CDC42EP3: variants seen among roughly 807,000 people sequenced by gnomAD.
CDC42EP3 encodes CDC42 effector protein (Rho GTPase binding) 3.
A neutral mutation model predicts 15.5 loss-of-function variants in CDC42EP3; 4 were observed. That is an observed-to-expected ratio of 0.26 (90% confidence interval 0.13 to 0.59). The LOEUF (loss-of-function observed/expected upper bound fraction) is 0.59. CDC42EP3 is among the 20% of genes least tolerant of loss of function. The pLI, the probability that CDC42EP3 is intolerant of heterozygous loss-of-function variation, is 0.89. For missense variants in CDC42EP3, 309 were observed against 311.2 expected, an observed-to-expected ratio of 0.99 and a Z score of 0.05; for synonymous variants, 145 against 130.3, an observed-to-expected ratio of 1.11 and a Z score of -0.77.
intron 1 of CDC42EP3, among the ~76,000 whole-genome samples, chr2:37,659,123 T>G (rs1287553869): frequency 6.6e-6 from 1 of 152,190 alleles, no homozygotes; most frequent in African/African-American, 2.4e-5. Flanking sequence ...CACTACTTAT[T>G]TAACTCTTCC....
rs556210844 is a variant in CDC42EP3 at position 37,667,199 on chromosome 2, T to C, written c.-236+4227A>G. 2.0e-4 allele frequency among the ~76,000 whole-genome samples: 30 copies of C among 152,340 alleles called. 1 individual carries two copies. The South Asian group carries it at 6.2e-3, about 32-fold the overall frequency. ...ATCTAGCAGGGCCCAGGGGATATGCTGAACTGTAACAGGGCTTGACTTCTG... is the reference window on the plus strand; with the variant it reads ...ATCTAGCAGGGCCCAGGGGATATGCCGAACTGTAACAGGGCTTGACTTCTG... On this transcript the variant is annotated intron_variant, in intron 1 of 1. Coordinates refer to ENST00000295324, the MANE Select transcript of CDC42EP3 (RefSeq NM_006449.5).
In CDC42EP3 at chr2:37,646,184, A is replaced by T; in HGVS notation, c.404T>A (p.Phe135Tyr). The change falls in exon 2 of 2, where the codon TTC becomes TAC. Residue 135 changes from phenylalanine (F) to tyrosine (Y), a missense_variant. By Grantham distance (22) the Phe-to-Tyr change is conservative. Coordinates refer to ENST00000295324, the MANE Select transcript of CDC42EP3 (RefSeq NM_006449.5). ...AAGCCTGGGCAGCTTTGCTGGCCCG[A>T]AGGACTCCTGTTTGGAATTAAATGT... Reference protein sequence around the residue: ...PVTFNSKQESFGPAKLPRLSC... With the variant: ...PVTFNSKQESYGPAKLPRLSC... 6.2e-7 allele frequency: 1 copy of T among 1,614,048 alleles called. No homozygotes were observed. Among genetic ancestry groups the T allele is most frequent in the Non-Finnish European group, 8.5e-7 (1 of 1,179,990 alleles).
intron 1 of CDC42EP3, among the ~76,000 whole-genome samples, chr2:37,650,857 C>T (rs1665651046): frequency 6.6e-6 from 1 of 152,198 alleles, no homozygotes; most frequent in Non-Finnish European, 1.5e-5. Context: ...TCAGTAGAGG[C>T]AGTGGGGCAA....
rs981936367 is a variant in CDC42EP3, at chr2:37,654,770, G to A, written c.-235-7948C>T. Among the ~76,000 whole-genome samples, 10 of 152,168 alleles carry A rather than the reference G, an allele frequency of 6.6e-5. 1 individual carries two copies. In the South Asian group the frequency reaches 1.4e-3, roughly 22 times the overall value. ...TTGAAGAAGCTTTCTCTTTGAACAC[G>A]GCAGTCTTCTTACTAATATAGAAAT... On this transcript the variant is annotated intron_variant, in intron 1 of 1. Transcript: ENST00000295324.
intron 1 of CDC42EP3, among the ~76,000 whole-genome samples, chr2:37,648,148 A>G (rs1057433956): frequency 6.6e-6 from 1 of 152,208 alleles, no homozygotes; most frequent in Non-Finnish European, 1.5e-5. Context: ...TCTTTTGCCA[A>G]TGAGATGCTC....
intron 1 of CDC42EP3, among the ~76,000 whole-genome samples, chr2:37,662,783 A>C (rs1478406405): frequency 6.6e-6 from 1 of 152,232 alleles, no homozygotes; most frequent in Non-Finnish European, 1.5e-5. Context: ...GTCTGAGAGC[A>C]AGAAAACAGG....
chr2:37,656,417 C>T (rs1052085092), intron 1 of CDC42EP3, among the ~76,000 whole-genome samples: 1 of 152,236 alleles, frequency 6.6e-6, no homozygotes, highest in Non-Finnish European at 1.5e-5. Flanking sequence ...CTAGACTTTC[C>T]ATCATGAGAG....
intron 1 of CDC42EP3, among the ~76,000 whole-genome samples, chr2:37,658,792 G>C (rs962881864): frequency 6.6e-6 from 1 of 152,080 alleles, no homozygotes; most frequent in African/African-American, 2.4e-5. Flanking sequence ...TGGCCCCCAT[G>C]ATCTTTCTCC....
In CDC42EP3 at chr2:37,646,008, C is replaced by T. The variant is rs1467638595; in HGVS notation, c.580G>A (p.Glu194Lys). The T allele has an allele frequency of 6.2e-6, 10 of 1,613,716 alleles. No homozygotes were observed. The highest frequency in any genetic ancestry group is 8.5e-6 in the Non-Finnish European group (10 of 1,179,796). Residue 194 changes from glutamate (E) to lysine (K), a missense_variant, in exon 2 of 2, where the codon GAA becomes AAA. By Grantham distance (56) the Glu-to-Lys change is moderately conservative. Coordinates refer to ENST00000295324, the MANE Select transcript of CDC42EP3 (RefSeq NM_006449.5). ...TCGGCTGGCCAGTCGGGGTACTGTT[C>T]GGACAGGCTGGAGGAGTGGCTGTCT... ...GRDSHSSSLS[E>K]QYPDWPAEDM...
At position 37,645,120 on chromosome 2, in the gene CDC42EP3, C is replaced by T. The variant is rs1043288660; in HGVS notation, c.*703G>A. ...TCCCAATGGAAATAAGTGACAACAT[C>T]TGATGTAGAATCTATAAAATGTAGA... On this transcript the variant is annotated 3_prime_UTR_variant, in exon 2 of 2. Transcript: ENST00000295324. The T allele has an allele frequency of 2.0e-5, 3 of 152,470 alleles. No homozygotes were observed. Among genetic ancestry groups the T allele is most frequent in the Non-Finnish European group, 4.4e-5 (3 of 68,034 alleles). 9.4% of individuals were successfully genotyped at this position (152,470 alleles called of 1,614,324 possible). A position where few individuals can be genotyped will look rare whatever the true frequency, so the allele number is the denominator to read the frequency against.
chr2:37,645,398 G>A lies in CDC42EP3; in HGVS notation c.*425C>T, dbSNP rs895757008. 1 of 155,074 alleles carries A rather than the reference G, an allele frequency of 6.4e-6. No individual in the cohort carries two copies. The highest frequency in any genetic ancestry group is 1.4e-5 in the Non-Finnish European group (1 of 69,818). The allele number at this position is 155,074 out of a possible 1,614,324, so 9.6% of individuals were successfully genotyped here. ...GAGCCTAAGCAATATATAGAAAAGA[G>A]TCTACAAAAAGGCTTAGGTGTTAAA... On this transcript the variant is annotated 3_prime_UTR_variant, in exon 2 of 2. Transcript: ENST00000295324.
At chr2:37,659,280 G>A (rs1285577735) in intron 1 of CDC42EP3, among the ~76,000 whole-genome samples, 1 of 152,210 alleles carries the variant, frequency 6.6e-6, no homozygotes, top group Non-Finnish European at 1.5e-5. Flanking sequence ...TATTGAAAAT[G>A]CAAGATGGAA....
chr2:37,653,528 C>G (rs1665753843), intron 1 of CDC42EP3, among the ~76,000 whole-genome samples: 1 of 151,998 alleles, frequency 6.6e-6, no homozygotes, highest in Non-Finnish European at 1.5e-5. Context: ...CAGAATGATG[C>G]TGAAAATATC....
chr2:37,669,460 T>C (rs1216722422), intron 1 of CDC42EP3, among the ~76,000 whole-genome samples: 1 of 152,220 alleles, frequency 6.6e-6, no homozygotes, highest in Admixed American at 6.5e-5. Context: ...TTTATTCATC[T>C]TGCACCGCAC....
Sources: gnomAD v4.1 joint callset for allele counts (sites outside exome capture counted in the v4.1 genomes callset) on GRCh38, gnomAD v4.1.1 for gene constraint, MANE v1.5 for transcripts, NCBI Gene and HGNC (gene_info 2026-07-23, HGNC 2026-07-21) for gene names.